The following SEPTIN11 variants were observed in gnomAD, a reference collection of about 807,000 sequenced individuals.
The protein encoded by SEPTIN11 is septin 11.
A neutral mutation model predicts 51.4 loss-of-function variants in SEPTIN11; 25 were observed. The observed-to-expected ratio is 0.49, with a 90% CI of 0.35 to 0.68. The LOEUF is 0.68. SEPTIN11 is among the 30% of genes least tolerant of loss of function. The pLI is 0.00. For synonymous variants in SEPTIN11, 174 were observed against 184.1 expected (o/e 0.95, Z 0.44); for missense variants, 381 against 520.8 (o/e 0.73, Z 2.61).
At chr4:76,974,498 G>C (rs1722396386) in intron 1 of SEPTIN11, 1 of 227,124 alleles carries the variant, frequency 4.4e-6, no homozygotes, top group South Asian at 5.8e-5. Flanking sequence ...CAAGACCCAG[G>C]AGAGTGAGTG....
At chr4:76,959,402 C>T (rs549215661) in intron 1 of SEPTIN11, among the ~76,000 whole-genome samples, 18 of 151,516 alleles carry the variant, frequency 1.2e-4, no homozygotes, top group African/African-American at 4.1e-4. Context: ...TTATGAGCCA[C>T]GGGCACATGG....
At chr4:77,025,533 G>A (rs900955001) in intron 7 of SEPTIN11, among the ~76,000 whole-genome samples, 3 of 150,902 alleles carry the variant, frequency 2.0e-5, no homozygotes, top group Non-Finnish European at 4.4e-5. Flanking sequence ...TGAGACAGTA[G>A]GAACCTGTCT....
Position 77,001,597 on chromosome 4 carries a change from G to A in SEPTIN11, c.143-4004G>A, listed in dbSNP as rs186197059. Among the ~76,000 whole-genome samples the A allele has an allele frequency of 3.9e-3, 588 of 152,260 alleles. 6 individuals are homozygous for A. The highest frequency in any genetic ancestry group is 0.013 in the African/African-American group (552 of 41,540). On this transcript the variant is annotated intron_variant, in intron 2 of 9. Coordinates refer to ENST00000264893, the MANE Select transcript of SEPTIN11 (RefSeq NM_018243.4). ...ACTCCTGACCTCAGGTGATCCGCCT[G>A]CCTCAGCCTCCCAGAGTGTTGAGAT... is the stretch of plus-strand genomic sequence containing the variant.
chr4:76,950,343 C>G lies in SEPTIN11; in HGVS notation c.27+413C>G, dbSNP rs190297030. On this transcript the variant is annotated intron_variant, in intron 1 of 9. Coordinates refer to ENST00000264893, the MANE Select transcript of SEPTIN11 (RefSeq NM_018243.4). ...GGGGGCGCTCAGGGCATGGGAATTGCGAGCTGAAGTGCTGCGTGTGGCACT... is the reference window on the plus strand; with the variant it reads ...GGGGGCGCTCAGGGCATGGGAATTGGGAGCTGAAGTGCTGCGTGTGGCACT... Among the ~76,000 whole-genome samples the G allele has an allele frequency of 4.3e-3, 652 of 152,276 alleles. 8 individuals are homozygous for G. Among genetic ancestry groups the G allele is most frequent in the African/African-American group, 0.015 (609 of 41,560 alleles).
intron 3 of SEPTIN11, among the ~76,000 whole-genome samples, chr4:77,011,199 A>T (rs1724837383): frequency 6.6e-6 from 1 of 152,154 alleles, no homozygotes; most frequent in Non-Finnish European, 1.5e-5. Flanking sequence ...AATAGCTCGC[A>T]GTAGGTGGTG....
chr4:77,030,941 G>A lies in SEPTIN11; in HGVS notation c.1245G>A (p.Gln415=), dbSNP rs376376518. 5.1e-5 allele frequency: 82 copies of A among 1,605,290 alleles called. No individual in the cohort carries two copies. In the African/African-American group the frequency reaches 8.8e-4, roughly 17 times the overall value. Residue 415 remains glutamine (Q), a synonymous_variant, in exon 9 of 10, where the codon CAG becomes CAA. Transcript: ENST00000264893. ...LQSQAQQSGA[Q]QTKKDKDKKN... is the part of the protein sequence containing the mutation. ...CCCAGGCCCAGCAATCTGGGGCCCA[G>A]CAAACCAAGAAAGACAAGGATAAGA...
At chr4:76,988,535 A>G (rs1394441373) in intron 1 of SEPTIN11, among the ~76,000 whole-genome samples, 1 of 152,224 alleles carries the variant, frequency 6.6e-6, no homozygotes. Flanking sequence ...GAGATAAAGT[A>G]TATCACTCTG....
intron 7 of SEPTIN11, among the ~76,000 whole-genome samples, chr4:77,023,633 G>A (rs1415370656): frequency 1.3e-5 from 2 of 151,958 alleles, no homozygotes; most frequent in African/African-American, 4.8e-5. Context: ...CACATGTCTT[G>A]GTAAATAGTG....
At chr4:77,026,993 A>G (rs1726200597) in intron 7 of SEPTIN11, among the ~76,000 whole-genome samples, 1 of 152,238 alleles carries the variant, frequency 6.6e-6, no homozygotes, top group Non-Finnish European at 1.5e-5. Context: ...TTATAAGATA[A>G]TGTGAAAGCG....
At chr4:76,968,623 T>C (rs543451188) in intron 1 of SEPTIN11, among the ~76,000 whole-genome samples, 6 of 152,344 alleles carry the variant, frequency 3.9e-5, no homozygotes, top group South Asian at 4.1e-4. Context: ...GTTTTTGTTA[T>C]GAGTTTTGAG....
At chr4:76,980,168 T>C (rs1459562623) in intron 1 of SEPTIN11, among the ~76,000 whole-genome samples, 1 of 152,204 alleles carries the variant, frequency 6.6e-6, no homozygotes, top group African/African-American at 2.4e-5. Flanking sequence ...ATATAGGTAC[T>C]CCCAGCAACT....
chr4:77,028,412 T>C (rs1019421992), intron 7 of SEPTIN11, among the ~76,000 whole-genome samples: 2 of 152,240 alleles, frequency 1.3e-5, no homozygotes, highest in Non-Finnish European at 2.9e-5. Flanking sequence ...CCTTTAGTGC[T>C]GTGTTGTGCT....
At chr4:76,977,566 T>G (rs917936770) in intron 1 of SEPTIN11, among the ~76,000 whole-genome samples, 1 of 152,180 alleles carries the variant, frequency 6.6e-6, no homozygotes, top group Non-Finnish European at 1.5e-5. Context: ...AAAGACTTAT[T>G]TTTAAATATA....
At position 76,984,115 on chromosome 4, in the gene SEPTIN11, A is replaced by T. The variant is rs1457592823; in HGVS notation, c.28-12310A>T. On this transcript the variant is annotated intron_variant, in intron 1 of 9. Transcript: ENST00000264893. The surrounding 1 kb of genome is among the most constrained non-coding windows in gnomAD (Gnocchi z 4.1). ...AGACCAGATGTTAATTGGTATGTTT[A>T]TTTCCTCAATATGTATCATGGTTTT... 1.3e-5 allele frequency among the ~76,000 whole-genome samples: 2 copies of T among 152,166 alleles called. No individual in the cohort carries two copies. Among genetic ancestry groups the T allele is most frequent in the Non-Finnish European group, 2.9e-5 (2 of 68,030 alleles).
At chr4:76,999,240 T>C (rs1723948422) in intron 2 of SEPTIN11, among the ~76,000 whole-genome samples, 1 of 152,110 alleles carries the variant, frequency 6.6e-6, no homozygotes, top group African/African-American at 2.4e-5. Context: ...CCTCAGAGAG[T>C]TGAATATCAA....
chr4:77,035,361 C>T lies in SEPTIN11; in HGVS notation c.*849C>T. 4 of 985,404 alleles carry T rather than the reference C, an allele frequency of 4.1e-6. No homozygotes were observed. Among genetic ancestry groups the T allele is most frequent in the Middle Eastern group, 5.2e-4 (1 of 1,914 alleles). 61.0% of individuals were successfully genotyped at this position (985,404 alleles called of 1,614,324 possible). A position where few individuals can be genotyped will look rare whatever the true frequency, so the allele number is the denominator to read the frequency against. On this transcript the variant is annotated 3_prime_UTR_variant, in exon 10 of 10. Coordinates refer to ENST00000264893, the MANE Select transcript of SEPTIN11 (RefSeq NM_018243.4). ...AGTAAGGAATCTTTCATAAACACAC[C>T]TCAGTTTGTTCCCAGTGGGCTTAGA...
chr4:77,036,136 T>G lies in SEPTIN11; in HGVS notation c.*1624T>G, dbSNP rs11559161. On this transcript the variant is annotated 3_prime_UTR_variant, in exon 10 of 10. Coordinates refer to ENST00000264893, the MANE Select transcript of SEPTIN11 (RefSeq NM_018243.4). ...AAGGAATGGTCTTCCATGAACTGAT[T>G]ATGCTTAATTAAGCAAAGTAAGGAA... 0.028 allele frequency: 28,123 copies of G among 987,128 alleles called. 478 individuals carry two copies. Among genetic ancestry groups the G allele is most frequent in the East Asian group, 0.097 (858 of 8,838 alleles). 61.1% of individuals were successfully genotyped at this position (987,128 alleles called of 1,614,324 possible). A position where few individuals can be genotyped will look rare whatever the true frequency, so the allele number is the denominator to read the frequency against.
intron 8 of SEPTIN11, among the ~76,000 whole-genome samples, chr4:77,029,949 G>A (rs923897537): frequency 6.6e-6 from 1 of 152,094 alleles, no homozygotes; most frequent in African/African-American, 2.4e-5. Flanking sequence ...ACTAGGGTGA[G>A]TTTTTTGTTG....
In SEPTIN11 at chr4:77,036,618, G is replaced by A. The variant is rs1222810430; in HGVS notation, c.*2106G>A. 7 of 1,459,796 alleles carry A rather than the reference G, an allele frequency of 4.8e-6. No individual in the cohort carries two copies. The highest frequency in any genetic ancestry group is 6.3e-6 in the Non-Finnish European group (7 of 1,116,674). 90.4% of individuals were successfully genotyped at this position (1,459,796 alleles called of 1,614,324 possible). A position where few individuals can be genotyped will look rare whatever the true frequency, so the allele number is the denominator to read the frequency against. ...GCAAAATAAATCATATGGCGAGTCAGGGAATAAAAAGTCAAAAGAAACAAA... is the reference window on the plus strand; with the variant it reads ...GCAAAATAAATCATATGGCGAGTCAAGGAATAAAAAGTCAAAAGAAACAAA... On this transcript the variant is annotated 3_prime_UTR_variant, in exon 10 of 10. Coordinates refer to ENST00000264893, the MANE Select transcript of SEPTIN11 (RefSeq NM_018243.4).
Sources: allele counts gnomAD v4.1 joint callset (sites outside exome capture counted in the v4.1 genomes callset), GRCh38; gene constraint gnomAD v4.1.1; non-coding constraint Gnocchi (gnomAD v3.1); transcripts MANE v1.5; gene names NCBI Gene and HGNC (gene_info 2026-07-23, HGNC 2026-07-21).